The following PTGIS variants were observed in gnomAD, a reference collection of about 807,000 sequenced individuals.
PTGIS encodes the protein prostaglandin I2 synthase, also known as prostacyclin synthase.
In PTGIS, 45 loss-of-function variants were observed where a neutral mutation model predicts 50.3. That is an observed-to-expected ratio of 0.90 (90% CI 0.70 to 1.15). PTGIS has a LOEUF of 1.15. Among genes scored for constraint, PTGIS ranks in the 50% most tolerant of loss-of-function variants. The pLI is 0.00. For missense variants in PTGIS, 668 were observed against 661.3 expected, an observed-to-expected ratio of 1.01 and a Z score of -0.11; for synonymous variants, 260 against 267.7, an observed-to-expected ratio of 0.97 and a Z score of 0.28.
In PTGIS at chr20:49,539,719, G is replaced by A. The variant is rs779529286; in HGVS notation, c.524C>T (p.Ala175Val). 30 of 1,610,776 alleles carry A rather than the reference G, an allele frequency of 1.9e-5. No homozygotes were observed. Among genetic ancestry groups the A allele is most frequent in the Non-Finnish European group, 2.5e-5 (30 of 1,179,720 alleles). Residue 175 changes from alanine (A) to valine (V), a missense_variant and splice_region_variant, in exon 5 of 10, where the codon GCC (alanine) becomes GTC (valine). Physicochemically the swap from Ala to Val is moderately conservative, Grantham distance 64 (BLOSUM62 0). Transcript: ENST00000244043. ...AATTCCGTAAAGAGTCAGGTAGCCG[G>A]CTCTGGGGGCGGCAGACAGAGGGTC... is the stretch of plus-strand genomic sequence containing the variant. ...LDFSYSFLLRAGYLTLYGIEA... is the reference protein window; with the variant it reads ...LDFSYSFLLRVGYLTLYGIEA...
chr20:49,510,985 G>A (rs765599484), intron 9 of PTGIS, 43 bp downstream of exon 9: 32 of 1,598,812 alleles, frequency 2.0e-5, no homozygotes, highest in Admixed American at 1.0e-4. Flanking sequence ...TGCCAACCAG[G>A]GGATCAGGAG....
intron 5 of PTGIS, among the ~76,000 whole-genome samples, chr20:49,528,213 C>G (rs865941822): frequency 6.6e-6 from 1 of 152,088 alleles, no homozygotes; most frequent in Non-Finnish European, 1.5e-5. Flanking sequence ...TGAAAAATTC[C>G]GGACATAAAC....
chr20:49,526,445 G>C (rs1200387365), intron 5 of PTGIS, among the ~76,000 whole-genome samples: 1 of 152,194 alleles, frequency 6.6e-6, no homozygotes, highest in Non-Finnish European at 1.5e-5. Flanking sequence ...CTTTTCCCCT[G>C]TGCCTACAGC....
chr20:49,511,471 T>C (rs1981318533), intron 8 of PTGIS, among the ~76,000 whole-genome samples: 1 of 152,238 alleles, frequency 6.6e-6, no homozygotes, highest in Non-Finnish European at 1.5e-5. Flanking sequence ...GAATGTGTTG[T>C]GTGTATGCCT....
intron 6 of PTGIS, among the ~76,000 whole-genome samples, chr20:49,519,712 C>A (rs956081881): frequency 6.6e-6 from 1 of 152,066 alleles, no homozygotes; most frequent in African/African-American, 2.4e-5. Context: ...GCCCAACCCC[C>A]GATCTTCTCC....
At chr20:49,515,238 G>A (rs1235749699) in intron 6 of PTGIS, among the ~76,000 whole-genome samples, 2 of 152,164 alleles carry the variant, frequency 1.3e-5, no homozygotes, top group African/African-American at 4.8e-5. Flanking sequence ...TGTGTGTTGT[G>A]TACGTATAAA....
In PTGIS at chr20:49,504,840, C is replaced by G. The variant is rs1270678669; in HGVS notation, c.*3080G>C. Reference sequence around the variant, plus strand: ...TAGATCAACTTAAGAGTATTTTATTCTTGGCTGGGCGCGGTGGCTCACACC... The same window carrying G: ...TAGATCAACTTAAGAGTATTTTATTGTTGGCTGGGCGCGGTGGCTCACACC... On this transcript the variant is annotated 3_prime_UTR_variant, in exon 10 of 10. Coordinates refer to ENST00000244043, the MANE Select transcript of PTGIS (RefSeq NM_000961.4). The G allele has an allele frequency of 6.6e-6, 1 of 151,234 alleles. No homozygotes were observed. The highest frequency in any genetic ancestry group is 2.4e-5 in the African/African-American group (1 of 41,158). 9.4% of individuals were successfully genotyped at this position (151,234 alleles called of 1,614,324 possible).
At chr20:49,558,003 C>T (rs1179981493) in intron 1 of PTGIS, among the ~76,000 whole-genome samples, 1 of 152,162 alleles carries the variant, frequency 6.6e-6, no homozygotes, top group East Asian at 1.9e-4. Flanking sequence ...AAAGAAACAT[C>T]TAAATTGATT....
rs148727285 is a variant in PTGIS, at chr20:49,539,940, A to G, written c.522-219T>C. 6.1e-3 allele frequency among the ~76,000 whole-genome samples: 924 copies of G among 152,292 alleles called. 7 individuals carry two copies. Among genetic ancestry groups the G allele is most frequent in the Middle Eastern group, 0.02 (6 of 294 alleles). On this transcript the variant is annotated intron_variant, in intron 4 of 9. Coordinates refer to ENST00000244043, the MANE Select transcript of PTGIS (RefSeq NM_000961.4). Reference sequence around the variant, plus strand: ...CACAGGGAGACAGACAACAGACGAGAGGATGAGTAAAATGAATAATGCGCC... The same window carrying G: ...CACAGGGAGACAGACAACAGACGAGGGGATGAGTAAAATGAATAATGCGCC...
chr20:49,539,650 A>C lies in PTGIS; in HGVS notation c.593T>G (p.Val198Gly), dbSNP rs2122876788. 6.2e-7 allele frequency: 1 copy of C among 1,613,930 alleles called. No individual in the cohort carries two copies. Among genetic ancestry groups the C allele is most frequent in the Admixed American group, 1.7e-5 (1 of 59,994 alleles). The stretch of plus-strand genomic sequence containing the variant: ...GGTGTGGAAGACATCAGCTGAGTGG[A>C]CGCGGTCCTGGGCCTGGCTTTCATG... The part of the protein sequence containing the change: ...RTHESQAQDR[V>G]HSADVFHTFR... Residue 198 changes from valine (V) to glycine (G), a missense_variant, in exon 5 of 10, where the codon GTC becomes GGC. By Grantham distance (109) the Val-to-Gly change is moderately radical. Coordinates refer to ENST00000244043, the MANE Select transcript of PTGIS (RefSeq NM_000961.4).
chr20:49,518,890 C>T (rs960257147), intron 6 of PTGIS, among the ~76,000 whole-genome samples: 3 of 152,148 alleles, frequency 2.0e-5, no homozygotes, highest in Admixed American at 1.3e-4. Context: ...CAGCAGCTCC[C>T]GTGGCCCCCT....
chr20:49,524,419 A>G (rs188694232), intron 5 of PTGIS, among the ~76,000 whole-genome samples, 180 bp from the exon 6 acceptor site: 3 of 152,078 alleles, frequency 2.0e-5, no homozygotes, highest in Admixed American at 2.0e-4. Context: ...TTCAATACCA[A>G]ATTGCTTATT....
intron 8 of PTGIS, 137 bp downstream of exon 8, chr20:49,512,943 A>T: frequency 9.7e-7 from 1 of 1,033,512 alleles, no homozygotes. Flanking sequence ...AAGCAAACAC[A>T]GAGAGGTGAA....
At chr20:49,541,998 T>C (rs1351246999) in intron 4 of PTGIS, among the ~76,000 whole-genome samples, 2 of 152,156 alleles carry the variant, frequency 1.3e-5, no homozygotes, top group South Asian at 2.1e-4. Context: ...TCTGAGCAGG[T>C]GGCGCTCGCG....
In PTGIS at chr20:49,524,097, C is replaced by A; in HGVS notation, c.816G>T (p.Met272Ile). The A allele has an allele frequency of 1.2e-6, 2 of 1,614,228 alleles. No homozygotes were observed. The highest frequency in any genetic ancestry group is 1.7e-6 in the Non-Finnish European group (2 of 1,180,042). ...HLEEMGVSEE[M>I]QARALVLQLW... ...GCTGCAGCACCAGGGCCCGTGCCTG[C>A]ATCTCCTCTGACACACCCATCTCCT... Residue 272 changes from methionine to isoleucine, a missense_variant, in exon 6 of 10, where the codon ATG (methionine) becomes ATT (isoleucine). Coordinates refer to ENST00000244043, the MANE Select transcript of PTGIS (RefSeq NM_000961.4).
In PTGIS at chr20:49,505,994, A is replaced by C. The variant is rs1981141994; in HGVS notation, c.*1926T>G. ...GAGGGACCTCATTATGTGTCTTACAAGATGTACCCAAGTTTAGGTGCCTCT... is the reference window on the plus strand; with the variant it reads ...GAGGGACCTCATTATGTGTCTTACACGATGTACCCAAGTTTAGGTGCCTCT... On this transcript the variant is annotated 3_prime_UTR_variant, in exon 10 of 10. Transcript: ENST00000244043. 6.5e-6 allele frequency: 1 copy of C among 152,692 alleles called. No individual in the cohort carries two copies. The highest frequency in any genetic ancestry group is 1.5e-5 in the Non-Finnish European group (1 of 68,076). The allele number at this position is 152,692 out of a possible 1,614,324, so 9.5% of individuals were successfully genotyped here. A position where few individuals can be genotyped will look rare whatever the true frequency, so the allele number is the denominator to read the frequency against.
chr20:49,528,159 A>G (rs1981837887), intron 5 of PTGIS, among the ~76,000 whole-genome samples: 1 of 152,178 alleles, frequency 6.6e-6, no homozygotes, highest in Non-Finnish European at 1.5e-5. Context: ...TTGAATTCCA[A>G]GGTTTCAGTT....
chr20:49,516,855 G>C (rs1055282682), intron 6 of PTGIS, among the ~76,000 whole-genome samples: 8 of 152,216 alleles, frequency 5.3e-5, no homozygotes, highest in African/African-American at 1.9e-4. Flanking sequence ...CATCCCTTTG[G>C]ATTAGAGGTG....
chr20:49,542,171 G>A (rs1388607797), intron 4 of PTGIS, among the ~76,000 whole-genome samples: 1 of 152,192 alleles, frequency 6.6e-6, no homozygotes, highest in Non-Finnish European at 1.5e-5. Flanking sequence ...AGGGCTACAA[G>A]GTGAGGACAG....
Sources: allele counts gnomAD v4.1 joint callset (sites outside exome capture counted in the v4.1 genomes callset), GRCh38; gene constraint gnomAD v4.1.1; transcripts MANE v1.5; gene names NCBI Gene and HGNC (gene_info 2026-07-23, HGNC 2026-07-21).